The following KAT2B variants were observed in gnomAD, a reference collection of about 807,000 sequenced individuals.
KAT2B encodes the protein histone acetyltransferase KAT2B.
Under a neutral mutation model 105.9 loss-of-function variants are expected in KAT2B, and 36 were observed. That is an observed-to-expected ratio of 0.34 (90% confidence interval 0.26 to 0.45). The LOEUF (loss-of-function observed/expected upper bound fraction) is 0.45, where lower values mean the gene tolerates loss of function less well. Ranked by LOEUF, KAT2B falls within the 20% of genes least tolerant of loss-of-function variation. KAT2B has a pLI of 1.00. For synonymous variants in KAT2B, 397 were observed against 377.9 expected (o/e 1.05, Z -0.59); for missense variants, 820 against 1,021.6 (o/e 0.80, Z 2.69).
intron 10 of KAT2B, 55 bp downstream of exon 10, chr3:20,126,168 A>C: frequency 7.0e-7 from 1 of 1,438,604 alleles, no homozygotes; most frequent in Admixed American, 2.0e-5. Flanking sequence ...TGAAAGAGGA[A>C]CTGCTTAGAT....
intron 1 of KAT2B, among the ~76,000 whole-genome samples, chr3:20,064,652 C>T (rs1173494189): frequency 6.6e-6 from 1 of 152,194 alleles, no homozygotes; most frequent in Non-Finnish European, 1.5e-5. Flanking sequence ...TAACCCCAGG[C>T]AAGTCTCTTA....
chr3:20,106,851 C>A (rs1310929500), intron 5 of KAT2B, among the ~76,000 whole-genome samples: 1 of 149,282 alleles, frequency 6.7e-6, no homozygotes, highest in Admixed American at 6.7e-5. Context: ...CAGCACTGTC[C>A]AGTAGATATA....
intron 1 of KAT2B, among the ~76,000 whole-genome samples, chr3:20,064,853 A>G (rs1160650804): frequency 3.3e-5 from 5 of 152,200 alleles, no homozygotes; most frequent in Non-Finnish European, 7.3e-5. Flanking sequence ...TAAGTTTTCC[A>G]ACAAATGCGA....
chr3:20,121,399 G>C (rs1313777363), intron 8 of KAT2B, among the ~76,000 whole-genome samples: 1 of 152,106 alleles, frequency 6.6e-6, no homozygotes. Context: ...TACATGTTAT[G>C]TCTGGAAAAA....
chr3:20,084,265 A>G (rs760384379), intron 2 of KAT2B, among the ~76,000 whole-genome samples: 4 of 152,136 alleles, frequency 2.6e-5, no homozygotes, highest in African/African-American at 7.2e-5. Context: ...TGTCCACTCC[A>G]TCTACTTTCA....
intron 11 of KAT2B, among the ~76,000 whole-genome samples, chr3:20,133,782 T>C (rs1699552259): frequency 6.6e-6 from 1 of 152,210 alleles, no homozygotes; most frequent in African/African-American, 2.4e-5. Flanking sequence ...CCCCTACCAT[T>C]GCTGGCACTG....
chr3:20,073,913 T>C (rs188946329), intron 2 of KAT2B, among the ~76,000 whole-genome samples: 5 of 152,336 alleles, frequency 3.3e-5, no homozygotes, highest in Non-Finnish European at 5.9e-5. Flanking sequence ...TAAAACAGGA[T>C]CTTCTTTCTT....
At chr3:20,056,750 T>C (rs1325684555) in intron 1 of KAT2B, among the ~76,000 whole-genome samples, 1 of 152,184 alleles carries the variant, frequency 6.6e-6, no homozygotes, top group Non-Finnish European at 1.5e-5. Flanking sequence ...CCTTGCCTTT[T>C]AAGAAGGAGG....
intron 12 of KAT2B, among the ~76,000 whole-genome samples, chr3:20,139,126 G>T (rs993388270): frequency 6.6e-6 from 1 of 151,860 alleles, no homozygotes; most frequent in African/African-American, 2.4e-5. Context: ...TGTTGCCTGG[G>T]CTGGTCTTGA....
At chr3:20,118,769 A>G (rs1322975710) in intron 7 of KAT2B, among the ~76,000 whole-genome samples, 1 of 147,136 alleles carries the variant, frequency 6.8e-6, no homozygotes, top group African/African-American at 2.5e-5. Flanking sequence ...AACTATATAT[A>G]TAATATATAT....
chr3:20,114,782 G>A, intron 6 of KAT2B, 100 bp from the exon 7 acceptor site: 1 of 653,574 alleles, frequency 1.5e-6, no homozygotes, highest in Non-Finnish European at 2.7e-6. Flanking sequence ...CTGATTGAAG[G>A]TTTGAGACGC....
chr3:20,040,832 C>CG, intron 1 of KAT2B, 52 bp downstream of exon 1: 2 of 1,515,594 alleles, frequency 1.3e-6, no homozygotes, highest in Non-Finnish European at 1.8e-6. Flanking sequence ...GCCCAGCCCG[C>CG]GGGACCCCCC....
intron 1 of KAT2B, among the ~76,000 whole-genome samples, chr3:20,068,924 T>C (rs556897164): frequency 2.6e-5 from 4 of 152,260 alleles, no homozygotes; most frequent in Non-Finnish European, 5.9e-5. Flanking sequence ...GCTGGAGGCT[T>C]AGGGAGTTCC....
At chr3:20,050,664 A>C (rs1239880441) in intron 1 of KAT2B, among the ~76,000 whole-genome samples, 2 of 152,076 alleles carry the variant, frequency 1.3e-5, no homozygotes, top group Admixed American at 1.3e-4. Flanking sequence ...AGCAATTTTC[A>C]GGAGGAAGTC....
intron 2 of KAT2B, among the ~76,000 whole-genome samples, chr3:20,075,015 C>T (rs1698392399): frequency 7.9e-5 from 12 of 152,118 alleles, no homozygotes; most frequent in Admixed American, 2.0e-4. Flanking sequence ...CCTGTAATTC[C>T]AGCACTTTGG....
In KAT2B at chr3:20,148,393, T is replaced by C; in HGVS notation, c.2221-10T>C. ...CCATATTAGATACCTTACTTTTTTC[T>C]TTACCCAAGAGCCATCAAAGCGCTT... On this transcript the variant is annotated splice_polypyrimidine_tract_variant and intron_variant, in intron 16 of 17. Transcript: ENST00000263754. 1 of 1,610,184 alleles carries C rather than the reference T, an allele frequency of 6.2e-7. No individual in the cohort carries two copies. The highest frequency in any genetic ancestry group is 2.2e-5 in the East Asian group (1 of 44,870).
At chr3:20,145,610 T>C (rs1699772752) in intron 13 of KAT2B, among the ~76,000 whole-genome samples, 1 of 147,850 alleles carries the variant, frequency 6.8e-6, no homozygotes, top group Non-Finnish European at 1.5e-5. Flanking sequence ...GTCTTGGAAG[T>C]AGTTACCTCA....
chr3:20,053,227 A>G (rs1259861449), intron 1 of KAT2B, among the ~76,000 whole-genome samples: 1 of 152,176 alleles, frequency 6.6e-6, no homozygotes, highest in Non-Finnish European at 1.5e-5. Context: ...TCTGCAAGTT[A>G]CAATTAAATT....
At chr3:20,144,451 G>A (rs1369950700) in intron 13 of KAT2B, among the ~76,000 whole-genome samples, 1 of 151,556 alleles carries the variant, frequency 6.6e-6, no homozygotes, top group African/African-American at 2.4e-5. Context: ...ACCATGCCCA[G>A]CTAATTTTTT....
Sources: allele counts gnomAD v4.1 joint callset (sites outside exome capture counted in the v4.1 genomes callset), GRCh38; gene constraint gnomAD v4.1.1; transcripts MANE v1.5; gene names NCBI Gene and HGNC (gene_info 2026-07-23, HGNC 2026-07-21).